The following TANC2 variants were observed in gnomAD, a reference collection of about 807,000 sequenced individuals.
TANC2 encodes the protein tetratricopeptide repeat, ankyrin repeat and coiled-coil containing 2.
Under a neutral mutation model 210.5 loss-of-function variants are expected in TANC2, and 26 were observed. That is an observed-to-expected ratio of 0.12 (90% CI 0.09 to 0.17). The LOEUF (loss-of-function observed/expected upper bound fraction) is 0.17, where lower values mean the gene tolerates loss of function less well. Among genes scored for constraint, TANC2 ranks in the 10% least tolerant of loss-of-function variants. TANC2 has a pLI of 1.00. For missense variants in TANC2, 2,129 were observed against 2,608.9 expected, an observed-to-expected ratio of 0.82 and a Z score of 4.01; for synonymous variants, 931 against 967.1, an observed-to-expected ratio of 0.96 and a Z score of 0.69.
chr17:63,284,060 A>G (rs942119235), intron 9 of TANC2, among the ~76,000 whole-genome samples: 1 of 151,990 alleles, frequency 6.6e-6, no homozygotes, highest in Admixed American at 6.6e-5. Context: ...GAAAGCATTC[A>G]GTCTTTCACC....
intron 7 of TANC2, among the ~76,000 whole-genome samples, chr17:63,214,700 C>G (rs1276625061): frequency 6.6e-6 from 1 of 152,152 alleles, no homozygotes; most frequent in African/African-American, 2.4e-5. Context: ...TAATCAACCC[C>G]CAAAGGCCAG....
chr17:63,320,115 A>G (rs867321303), intron 11 of TANC2, among the ~76,000 whole-genome samples: 2 of 152,176 alleles, frequency 1.3e-5, no homozygotes, highest in Non-Finnish European at 1.5e-5. Flanking sequence ...AATACTGTGC[A>G]AATACATCAC....
chr17:63,189,427 G>T (rs1268211904), intron 5 of TANC2, among the ~76,000 whole-genome samples: 1 of 152,106 alleles, frequency 6.6e-6, no homozygotes, highest in Non-Finnish European at 1.5e-5. Flanking sequence ...CTTATTGCTT[G>T]TCTTTTTTGT....
At chr17:63,185,351 C>T (rs977434145) in intron 5 of TANC2, among the ~76,000 whole-genome samples, 3 of 152,104 alleles carry the variant, frequency 2.0e-5, no homozygotes, top group Non-Finnish European at 4.4e-5. Flanking sequence ...CCTCGGCCTC[C>T]CAAAGTGCTG....
At chr17:63,286,545 T>C (rs1391722690) in intron 9 of TANC2, among the ~76,000 whole-genome samples, 1 of 152,208 alleles carries the variant, frequency 6.6e-6, no homozygotes, top group Non-Finnish European at 1.5e-5. Flanking sequence ...AGATTTTCTC[T>C]TTATCACTGT....
intron 1 of TANC2, among the ~76,000 whole-genome samples, chr17:62,972,117 A>G (rs761372042): frequency 6.6e-6 from 1 of 152,198 alleles, no homozygotes; most frequent in Non-Finnish European, 1.5e-5. Flanking sequence ...AGAAGGGTCA[A>G]AGTAACTATA....
intron 5 of TANC2, among the ~76,000 whole-genome samples, chr17:63,173,935 A>T (rs1237108467): frequency 6.6e-6 from 1 of 152,210 alleles, no homozygotes; most frequent in Non-Finnish European, 1.5e-5. Flanking sequence ...ACACTATTTC[A>T]CCTGGAACAA....
In TANC2 at chr17:63,077,019, TAA is replaced by T. The variant is rs562786273; in HGVS notation, c.139+3007_139+3008del. 2.4e-3 allele frequency among the ~76,000 whole-genome samples: 362 copies of T among 152,198 alleles called. 1 individual carries two copies. The highest frequency in any genetic ancestry group is 8.4e-3 in the African/African-American group (347 of 41,526). ...AGATAATTTTCTTAACTGAAGAGCA[TAA>T]AGTTTCCTGATTGAAAAGGCTCACT... is the stretch of plus-strand genomic sequence containing the variant. On this transcript the variant is annotated intron_variant, in intron 3 of 27. Coordinates refer to ENST00000689528, the Ensembl canonical transcript of TANC2.
At chr17:63,214,974 G>A (rs780221651) in intron 7 of TANC2, among the ~76,000 whole-genome samples, 10 of 152,102 alleles carry the variant, frequency 6.6e-5, no homozygotes, top group Non-Finnish European at 1.2e-4. Context: ...GCCTTAGAAA[G>A]GGTTAGTAAA....
rs574739797 is a variant in TANC2, at chr17:63,012,786, G to T, written c.67+3160G>T. On this transcript the variant is annotated intron_variant, in intron 2 of 27. Transcript: ENST00000689528. ...TCCACCTCAGATTCTGGAGTAGCTA[G>T]GACTACAGGTGCATACCACCGCACC... Among the ~76,000 whole-genome samples, 3 of 152,138 alleles carry T rather than the reference G, an allele frequency of 2.0e-5. No homozygotes were observed. The East Asian group carries it at 5.8e-4, about 29-fold the overall frequency.
chr17:63,273,740 A>G (rs1330841298), intron 9 of TANC2, among the ~76,000 whole-genome samples: 1 of 152,180 alleles, frequency 6.6e-6, no homozygotes, highest in East Asian at 1.9e-4. Flanking sequence ...CACTGAGACT[A>G]TTGCAGTAGG....
chr17:62,990,456 A>T (rs241077), intron 1 of TANC2, among the ~76,000 whole-genome samples: 90,768 of 150,978 alleles, frequency 0.6, 29,764 homozygotes, highest in African/African-American at 0.87. Flanking sequence ...TTTTTTTTTT[A>T]AAATTTTCTG....
At chr17:63,093,827 T>C (rs1157125287) in intron 3 of TANC2, among the ~76,000 whole-genome samples, 4 of 152,074 alleles carry the variant, frequency 2.6e-5, no homozygotes, top group Non-Finnish European at 5.9e-5. Flanking sequence ...TTGCTCAGGC[T>C]GGTCTTAAAC....
intron 4 of TANC2, among the ~76,000 whole-genome samples, chr17:63,110,690 G>T (rs2038002644): frequency 6.6e-6 from 1 of 152,194 alleles, no homozygotes; most frequent in African/African-American, 2.4e-5. Context: ...AGCCACAAAG[G>T]GAGGAGCCTT....
chr17:63,375,950 A>G (rs2147054653), intron 14 of TANC2, among the ~76,000 whole-genome samples: 1 of 151,986 alleles, frequency 6.6e-6, no homozygotes, highest in East Asian at 1.9e-4. Context: ...TTAGCTGGGC[A>G]TGGTGGCACA....
Position 63,418,491 on chromosome 17 carries a change from T to C in TANC2, c.4268+84T>C. ...GCAGCGTCGGCCACCCTGGGGCATA[T>C]GTACCCAAATACATCTCTGTCCTTG... On this transcript the variant is annotated intron_variant, in intron 27 of 27. Transcript: ENST00000689528. This position sits in a 1 kb window ranked among gnomAD's most constrained non-coding sequence, Gnocchi z 4.6. 1 of 1,182,744 alleles carries C rather than the reference T, an allele frequency of 8.5e-7. No individual in the cohort carries two copies. Among genetic ancestry groups the C allele is most frequent in the South Asian group, 1.3e-5 (1 of 74,124 alleles). The allele number at this position is 1,182,744 out of a possible 1,614,324, so 73.3% of individuals were successfully genotyped here. A position where few individuals can be genotyped will look rare whatever the true frequency, so the allele number is the denominator to read the frequency against.
rs79446144 is a variant in TANC2 at position 63,148,973 on chromosome 17, A to G, written c.323-2297A>G. ...TTGGATGAGAACACCATTATCATCT[A>G]CCTTATAAAACAGTTTAACTTTATT... On this transcript the variant is annotated intron_variant, in intron 4 of 27. Coordinates refer to ENST00000689528, the Ensembl canonical transcript of TANC2. 7.9e-5 allele frequency: 12 copies of G among 152,236 alleles called. No homozygotes were observed. In the East Asian group the frequency reaches 2.3e-3, roughly 29 times the overall value. 9.4% of individuals were successfully genotyped at this position (152,236 alleles called of 1,614,324 possible).
At chr17:63,009,413 T>A in intron 1 of TANC2, 124 bp from the exon 2 acceptor site, 1 of 593,244 alleles carries the variant, frequency 1.7e-6, no homozygotes, top group East Asian at 2.8e-5. Context: ...ATTTATTGAG[T>A]GGCAAACAGT....
chr17:63,351,516 C>G lies in TANC2; in HGVS notation c.1974+100C>G, dbSNP rs573372677. Reference sequence around the variant, plus strand: ...TAGTTTCATAAACTTCTACTATGTCCTAGAGCATTATGAAGAATAATTCCC... The same window carrying G: ...TAGTTTCATAAACTTCTACTATGTCGTAGAGCATTATGAAGAATAATTCCC... On this transcript the variant is annotated intron_variant, in intron 13 of 27. Transcript: ENST00000689528. 2.1e-4 allele frequency: 180 copies of G among 875,576 alleles called. 2 individuals carry two copies. The African/African-American group carries it at 2.7e-3, about 13-fold the overall frequency. The allele number at this position is 875,576 out of a possible 1,614,324, so 54.2% of individuals were successfully genotyped here.
Sources: gnomAD v4.1 joint callset for allele counts (sites outside exome capture counted in the v4.1 genomes callset) on GRCh38, gnomAD v4.1.1 for gene constraint, Gnocchi (gnomAD v3.1) non-coding constraint, MANE v1.5 for transcripts, NCBI Gene and HGNC (gene_info 2026-07-23, HGNC 2026-07-21) for gene names.